DNAH14: variants seen among roughly 807,000 people sequenced by gnomAD.
The protein encoded by DNAH14 is dynein axonemal heavy chain 14.
DNAH14 carries 478 observed loss-of-function variants against 520.9 expected under a neutral mutation model. The observed-to-expected ratio is 0.92, with a 90% CI of 0.85 to 0.99. DNAH14 has a LOEUF of 0.99. DNAH14 is among the 50% of genes least tolerant of loss of function. The pLI is 0.00. For missense variants in DNAH14, 4,831 were observed against 5,234.5 expected, an observed-to-expected ratio of 0.92 and a Z score of 2.38; for synonymous variants, 1,581 against 1,757.2, an observed-to-expected ratio of 0.90 and a Z score of 2.51.
chr1:224,957,016 C>T (rs766896283), intron 3 of DNAH14, among the ~76,000 whole-genome samples: 6 of 151,954 alleles, frequency 3.9e-5, no homozygotes, highest in South Asian at 2.1e-4. Context: ...AGATAAGAGC[C>T]GTGGAAAGGT....
chr1:224,947,904 G>T (rs2059945723), intron 1 of DNAH14, among the ~76,000 whole-genome samples: 1 of 151,920 alleles, frequency 6.6e-6, no homozygotes, highest in African/African-American at 2.4e-5. Flanking sequence ...TGGGCTATAT[G>T]ATGATAAATC....
intron 36 of DNAH14, among the ~76,000 whole-genome samples, chr1:225,172,761 T>C (rs1001946481): frequency 6.6e-6 from 1 of 151,982 alleles, no homozygotes; most frequent in African/African-American, 2.4e-5. Flanking sequence ...TGGAAAAAAC[T>C]AAAATTCATA....
At position 225,305,079 on chromosome 1, in the gene DNAH14, C is replaced by T; in HGVS notation, c.8995C>T (p.Gln2999Ter). ...TTTGAGGGCACGAGAGGAAGAGATG[C>T]AAACAAAGAGGTAAGACTTTGAGAA... ...HILRAREEEM[Q>*]TKRDRFHMGL... is the part of the protein sequence containing the mutation. Residue 2999 changes from glutamine to a stop codon, truncating the protein, a stop_gained, in exon 58 of 86, where the codon CAA (glutamine) becomes TAA (stop). Coordinates refer to ENST00000682510, the MANE Select transcript of DNAH14 (RefSeq NM_001367479.1). LOFTEE classifies it high-confidence loss of function. 1 of 1,530,994 alleles carries T rather than the reference C, an allele frequency of 6.5e-7. No individual in the cohort carries two copies. The highest frequency in any genetic ancestry group is 1.4e-5 in the African/African-American group (1 of 71,638). The allele number at this position is 1,530,994 out of a possible 1,614,324, so 94.8% of individuals were successfully genotyped here.
At chr1:225,316,176 C>T (rs1215713777) in intron 60 of DNAH14, among the ~76,000 whole-genome samples, 2 of 152,170 alleles carry the variant, frequency 1.3e-5, no homozygotes, top group African/African-American at 2.4e-5. Flanking sequence ...CTACTCAAGC[C>T]TCAGTAATGG....
At chr1:225,089,871 A>G (rs2074220363) in intron 21 of DNAH14, among the ~76,000 whole-genome samples, 3 of 152,174 alleles carry the variant, frequency 2.0e-5, no homozygotes, top group Admixed American at 2.0e-4. Flanking sequence ...TTAATAGTGA[A>G]AGACTGAACG....
chr1:225,310,673 CAT>C (rs1331557618), intron 60 of DNAH14, among the ~76,000 whole-genome samples: 335 of 152,246 alleles, frequency 2.2e-3, no homozygotes, highest in Non-Finnish European at 3.6e-3. Flanking sequence ...GTTCAACTCC[CAT>C]TTATGAGTGA....
chr1:225,183,751 C>T (rs2084338416), intron 36 of DNAH14, among the ~76,000 whole-genome samples: 1 of 150,030 alleles, frequency 6.7e-6, no homozygotes, highest in Admixed American at 6.6e-5. Flanking sequence ...TTATAAACTA[C>T]CCTACAGAAA....
intron 43 of DNAH14, among the ~76,000 whole-genome samples, chr1:225,247,011 T>C (rs950750305): frequency 6.6e-6 from 1 of 152,082 alleles, no homozygotes; most frequent in Non-Finnish European, 1.5e-5. Flanking sequence ...ATAAGGAAAA[T>C]GTGGCACATA....
chr1:225,374,834 A>T lies in DNAH14; in HGVS notation c.12465A>T (p.Lys4155Asn), dbSNP rs898746808. 1.3e-6 allele frequency: 2 copies of T among 1,551,262 alleles called. No homozygotes were observed. Among genetic ancestry groups the T allele is most frequent in the African/African-American group, 2.7e-5 (2 of 73,044 alleles). The change falls in exon 78 of 86, where the codon AAA becomes AAT. Residue 4155 changes from lysine to asparagine, a missense_variant. By Grantham distance (94) the Lys-to-Asn change is moderately conservative. Coordinates refer to ENST00000682510, the MANE Select transcript of DNAH14 (RefSeq NM_001367479.1). ...DKRCLKTLLYKFCNPEVLKDD... is the reference protein window; with the variant it reads ...DKRCLKTLLYNFCNPEVLKDD... ...GATGCTTGAAGACCCTACTCTACAA[A>T]TTTTGTAATCCTGAAGTGCTGAAAG...
chr1:225,255,446 C>T (rs1391437115), intron 44 of DNAH14, among the ~76,000 whole-genome samples: 1 of 152,138 alleles, frequency 6.6e-6, no homozygotes, highest in East Asian at 1.9e-4. Flanking sequence ...ATAATTTAAT[C>T]TGGGCTAATG....
intron 1 of DNAH14, among the ~76,000 whole-genome samples, chr1:224,944,204 G>A (rs902647657): frequency 6.6e-6 from 1 of 152,162 alleles, no homozygotes; most frequent in Admixed American, 6.5e-5. Context: ...ATATATTTAG[G>A]ATAGTTAGCT....
At chr1:225,267,088 T>A (rs1355819693) in intron 49 of DNAH14, among the ~76,000 whole-genome samples, 1 of 152,098 alleles carries the variant, frequency 6.6e-6, no homozygotes, top group Non-Finnish European at 1.5e-5. Context: ...TTTCCATGCA[T>A]CAAATTTTAG....
chr1:225,327,836 AAGAG>A (rs569225713), intron 64 of DNAH14, among the ~76,000 whole-genome samples: 1 of 151,796 alleles, frequency 6.6e-6, no homozygotes, highest in South Asian at 2.1e-4. Flanking sequence ...GGGAAACAAA[AAGAG>A]AGAGAGAGAG....
intron 10 of DNAH14, among the ~76,000 whole-genome samples, chr1:225,022,131 C>A (rs889609272): frequency 1.3e-5 from 2 of 152,088 alleles, no homozygotes; most frequent in Admixed American, 1.3e-4. Flanking sequence ...AAATGTAAGA[C>A]CTAAAACAGT....
intron 17 of DNAH14, among the ~76,000 whole-genome samples, chr1:225,075,032 C>G (rs148069169): frequency 7.4e-4 from 112 of 152,324 alleles, no homozygotes; most frequent in Middle Eastern, 3.4e-3. Flanking sequence ...AAGCCTGGAG[C>G]TGGACTATCT....
intron 84 of DNAH14, among the ~76,000 whole-genome samples, chr1:225,394,571 G>A (rs192094174): frequency 3.3e-5 from 5 of 152,098 alleles, no homozygotes; most frequent in East Asian, 1.9e-4. Context: ...GGCCAGGCAC[G>A]GTGGCTCACA....
intron 41 of DNAH14, among the ~76,000 whole-genome samples, chr1:225,214,320 T>C (rs944116109): frequency 5.3e-5 from 8 of 152,224 alleles, no homozygotes; most frequent in African/African-American, 1.9e-4. Context: ...CAGTATTTTA[T>C]TGAGGATTTT....
chr1:225,001,472 T>C (rs1438351389), intron 8 of DNAH14, among the ~76,000 whole-genome samples: 4 of 152,126 alleles, frequency 2.6e-5, no homozygotes, highest in Admixed American at 2.0e-4. Flanking sequence ...AAAATAGAAA[T>C]TTGTGGTGAA....
chr1:225,310,625 T>C (rs1052067688), intron 60 of DNAH14, among the ~76,000 whole-genome samples: 1 of 152,112 alleles, frequency 6.6e-6, no homozygotes, highest in Admixed American at 6.6e-5. Flanking sequence ...CAGGCCCCAG[T>C]GTGTGATGTC....
Sources: allele counts gnomAD v4.1 joint callset (sites outside exome capture counted in the v4.1 genomes callset), GRCh38; gene constraint gnomAD v4.1.1; transcripts MANE v1.5; gene names NCBI Gene and HGNC (gene_info 2026-07-23, HGNC 2026-07-21).